The following TAFA1 variants were observed in gnomAD, a reference collection of about 807,000 sequenced individuals.
TAFA1 encodes the protein TAFA chemokine like family member 1, also known as chemokine-like protein TAFA-1.
TAFA1 carries 4 observed loss-of-function variants against 18.5 expected under a neutral mutation model. The ratio of observed to expected loss-of-function variants is 0.22; its 90% confidence interval spans 0.11 to 0.49. The LOEUF is 0.49. Ranked by LOEUF, TAFA1 falls within the 20% of genes least tolerant of loss-of-function variation. The pLI is 0.98. For synonymous variants in TAFA1, 56 were observed against 55.2 expected (o/e 1.01, Z -0.06); for missense variants, 147 against 169.0 (o/e 0.87, Z 0.72).
intron 2 of TAFA1, among the ~76,000 whole-genome samples, chr3:68,318,792 T>C (rs931861193): frequency 1.3e-5 from 2 of 152,146 alleles, no homozygotes; most frequent in African/African-American, 2.4e-5. Flanking sequence ...AGTAGGCTTA[T>C]TTACCTGAAA....
intron 3 of TAFA1, among the ~76,000 whole-genome samples, chr3:68,504,756 A>G (rs2072718551): frequency 6.6e-6 from 1 of 152,100 alleles, no homozygotes; most frequent in South Asian, 2.1e-4. Context: ...TGCAGCAACA[A>G]AAATATCAAT....
At chr3:68,272,281 G>C (rs537216153) in intron 2 of TAFA1, among the ~76,000 whole-genome samples, 75 of 152,298 alleles carry the variant, frequency 4.9e-4, no homozygotes, top group African/African-American at 1.8e-3. Flanking sequence ...GCATCCATCT[G>C]CCCTCAGCTT....
intron 2 of TAFA1, among the ~76,000 whole-genome samples, chr3:68,234,615 C>T (rs2066907005): frequency 6.6e-6 from 1 of 152,168 alleles, no homozygotes; most frequent in South Asian, 2.1e-4. Flanking sequence ...AGTGACACTG[C>T]TCCACTTTTC....
chr3:68,384,959 G>C (rs1419211919), intron 2 of TAFA1, among the ~76,000 whole-genome samples: 2 of 151,962 alleles, frequency 1.3e-5, no homozygotes, highest in Admixed American at 1.3e-4. Flanking sequence ...TTTAAAATCT[G>C]TTTTGTCTAA....
chr3:68,340,953 A>C (rs1455677051), intron 2 of TAFA1, among the ~76,000 whole-genome samples: 3 of 152,216 alleles, frequency 2.0e-5, no homozygotes, highest in Admixed American at 6.5e-5. Context: ...GTTGAGAGTA[A>C]GGGAAGCCTT....
chr3:68,325,974 G>A (rs184490978), intron 2 of TAFA1, among the ~76,000 whole-genome samples: 35 of 152,148 alleles, frequency 2.3e-4, no homozygotes, highest in Admixed American at 7.9e-4. Flanking sequence ...GTTACACAAG[G>A]GACTCATTAC....
chr3:68,029,833 C>T (rs901205432), intron 2 of TAFA1, among the ~76,000 whole-genome samples: 5 of 152,188 alleles, frequency 3.3e-5, no homozygotes, highest in South Asian at 2.1e-4. Flanking sequence ...TCTCAACCTC[C>T]TGGGGTTTTC....
chr3:68,314,992 T>C (rs947422160), intron 2 of TAFA1, among the ~76,000 whole-genome samples: 3 of 149,696 alleles, frequency 2.0e-5, no homozygotes, highest in Non-Finnish European at 4.4e-5. Flanking sequence ...ATTAAGAAAA[T>C]CATCAACTAG....
intron 2 of TAFA1, among the ~76,000 whole-genome samples, chr3:68,400,086 C>A (rs2070458747): frequency 6.6e-6 from 1 of 152,154 alleles, no homozygotes; most frequent in Non-Finnish European, 1.5e-5. Context: ...ATCCTTAAAC[C>A]ATTCACTGTG....
chr3:68,538,436 T>C (rs2073311327), intron 3 of TAFA1, among the ~76,000 whole-genome samples: 1 of 152,172 alleles, frequency 6.6e-6, no homozygotes, highest in African/African-American at 2.4e-5. Flanking sequence ...TGCCCAGGAA[T>C]GACCAAAGAT....
intron 2 of TAFA1, among the ~76,000 whole-genome samples, chr3:68,408,056 T>C (rs2070643952): frequency 6.6e-6 from 1 of 152,036 alleles, no homozygotes; most frequent in African/African-American, 2.4e-5. Flanking sequence ...TATGATGAAT[T>C]CCAAAAAAGC....
chr3:68,538,147 A>G (rs796449921), intron 3 of TAFA1, among the ~76,000 whole-genome samples: 3 of 151,944 alleles, frequency 2.0e-5, no homozygotes, highest in East Asian at 1.9e-4. Context: ...GTCAGTTGCT[A>G]GAATGCAAAA....
At chr3:68,268,364 A>G (rs1461192013) in intron 2 of TAFA1, among the ~76,000 whole-genome samples, 1 of 152,172 alleles carries the variant, frequency 6.6e-6, no homozygotes, top group African/African-American at 2.4e-5. Context: ...AGCAGATTCA[A>G]ACAGGAGACC....
At chr3:68,275,750 A>G (rs1214425389) in intron 2 of TAFA1, among the ~76,000 whole-genome samples, 5 of 152,080 alleles carry the variant, frequency 3.3e-5, no homozygotes, top group African/African-American at 1.2e-4. Flanking sequence ...TAAATAGGGC[A>G]AAAATCAGGA....
In TAFA1 at chr3:68,206,481, T is replaced by C. The variant is rs553218843; in HGVS notation, c.118+199737T>C. Among the ~76,000 whole-genome samples, 16 of 152,050 alleles carry C rather than the reference T, an allele frequency of 1.1e-4. No homozygotes were observed. In the South Asian group the frequency reaches 3.1e-3, roughly 30 times the overall value. Reference sequence around the variant, plus strand: ...ATATAATAGTTCCCAAATGATATTATTGAGGTCTCTTTCAGTTATGGATAT... The same window carrying C: ...ATATAATAGTTCCCAAATGATATTACTGAGGTCTCTTTCAGTTATGGATAT... On this transcript the variant is annotated intron_variant, in intron 2 of 4. Transcript: ENST00000478136.
chr3:68,037,016 G>A (rs1006125308), intron 2 of TAFA1, among the ~76,000 whole-genome samples: 3 of 152,106 alleles, frequency 2.0e-5, no homozygotes, highest in Non-Finnish European at 2.9e-5. Context: ...AGACAAATAC[G>A]TGATTGTTAG....
intron 2 of TAFA1, among the ~76,000 whole-genome samples, chr3:68,130,959 C>A (rs1466331123): frequency 6.6e-6 from 1 of 152,162 alleles, no homozygotes; most frequent in Non-Finnish European, 1.5e-5. Context: ...GTGGGTGTGT[C>A]TGTGGTCTGC....
At chr3:68,080,958 C>T (rs1240622234) in intron 2 of TAFA1, among the ~76,000 whole-genome samples, 30 of 152,162 alleles carry the variant, frequency 2.0e-4, no homozygotes, top group Admixed American at 1.5e-3. Context: ...ACCAATCAGA[C>T]GTAGATTTGG....
Position 68,432,937 on chromosome 3 carries a change from C to A in TAFA1, c.259+15517C>A, listed in dbSNP as rs536841639. The stretch of plus-strand genomic sequence containing the variant: ...TGCCTTTCTCTTCTCACTATAGAGA[C>A]TCCCTAGGTTACTTCATTCATTCTC... On this transcript the variant is annotated intron_variant, in intron 3 of 4. Coordinates refer to ENST00000478136, the MANE Select transcript of TAFA1 (RefSeq NM_213609.4). Among the ~76,000 whole-genome samples the A allele has an allele frequency of 7.4e-4, 113 of 152,076 alleles. 2 individuals are homozygous for A. The highest frequency in any genetic ancestry group is 1.8e-4 in the Non-Finnish European group (12 of 67,908).
Sources: gnomAD v4.1 joint callset for allele counts (sites outside exome capture counted in the v4.1 genomes callset) on GRCh38, gnomAD v4.1.1 for gene constraint, MANE v1.5 for transcripts, NCBI Gene and HGNC (gene_info 2026-07-23, HGNC 2026-07-21) for gene names.